The following SDK1 variants were observed in gnomAD, a reference collection of about 807,000 sequenced individuals.
The protein encoded by SDK1 is protein sidekick-1.
In SDK1, 157 loss-of-function variants were observed where a neutral mutation model predicts 245.5. The ratio of observed to expected loss-of-function variants is 0.64; its 90% CI spans 0.56 to 0.73. The LOEUF is 0.73. Among genes scored for constraint, SDK1 ranks in the 30% least tolerant of loss-of-function variants. The probability of loss-of-function intolerance (pLI) is 0.00; values close to 1 mark genes in which losing one functional copy is unlikely to be tolerated. For missense variants in SDK1, 3,583 were observed against 3,002.3 expected (o/e 1.19, Z -4.52); for synonymous variants, 1,647 against 1,278.5 (o/e 1.29, Z -6.15).
At chr7:3,943,278 G>C (rs973913094) in intron 5 of SDK1, among the ~76,000 whole-genome samples, 36 of 100,588 alleles carry the variant, frequency 3.6e-4, no homozygotes, top group African/African-American at 1.2e-3. Context: ...CCTGAGGGCA[G>C]GATGTTCCCT....
At chr7:4,025,699 T>C (rs970422472) in intron 17 of SDK1, among the ~76,000 whole-genome samples, 4 of 152,172 alleles carry the variant, frequency 2.6e-5, no homozygotes, top group Non-Finnish European at 5.9e-5. Context: ...AAGCATAAAA[T>C]AGATGTCTGA....
intron 1 of SDK1, among the ~76,000 whole-genome samples, chr7:3,361,005 G>A (rs570732047): frequency 2.0e-5 from 3 of 152,272 alleles, no homozygotes; most frequent in African/African-American, 7.2e-5. Flanking sequence ...AAAATGGTGT[G>A]TTGGGAGTTA....
rs143759138 is a variant in SDK1, at chr7:4,136,386, C to G, written c.4228+3963C>G. ...TCTGACTCACTTTACATCCAGAGACCTTGAATCAATGTTCCCACTCTGGCA... is the reference window on the plus strand; with the variant it reads ...TCTGACTCACTTTACATCCAGAGACGTTGAATCAATGTTCCCACTCTGGCA... On this transcript the variant is annotated intron_variant, in intron 28 of 44. Coordinates refer to ENST00000404826, the MANE Select transcript of SDK1 (RefSeq NM_152744.4). Among the ~76,000 whole-genome samples the G allele has an allele frequency of 6.6e-3, 1,005 of 152,304 alleles. 19 individuals are homozygous for G. The highest frequency in any genetic ancestry group is 0.023 in the African/African-American group (945 of 41,554).
In SDK1 at chr7:3,494,159, A is replaced by C. The variant is rs535856492; in HGVS notation, c.299-124921A>C. On this transcript the variant is annotated intron_variant, in intron 1 of 44. Transcript: ENST00000404826. ...CTCCTCCCCACTGCCCCAACATTCA[A>C]AATAGCTATTATAAAGCCATTTTTT... 2.4e-3 allele frequency among the ~76,000 whole-genome samples: 372 copies of C among 152,306 alleles called. 4 individuals are homozygous for C. The highest frequency in any genetic ancestry group is 0.018 in the South Asian group (87 of 4,824).
At chr7:4,087,062 G>C (rs1409044373) in intron 22 of SDK1, among the ~76,000 whole-genome samples, 1 of 149,468 alleles carries the variant, frequency 6.7e-6, no homozygotes, top group Non-Finnish European at 1.5e-5. Context: ...TCTAATTTAT[G>C]ACTCCTTTCT....
At chr7:3,530,431 T>C (rs149684557) in intron 1 of SDK1, among the ~76,000 whole-genome samples, 2 of 152,294 alleles carry the variant, frequency 1.3e-5, no homozygotes, top group East Asian at 3.9e-4. Context: ...TAAAGGAAAA[T>C]TTGTCTTTTG....
At chr7:3,311,515 C>T (rs962232499) in intron 1 of SDK1, among the ~76,000 whole-genome samples, 8 of 152,040 alleles carry the variant, frequency 5.3e-5, no homozygotes, top group African/African-American at 1.9e-4. Context: ...ATTTGAAATG[C>T]ATAGTGACAA....
intron 30 of SDK1, among the ~76,000 whole-genome samples, chr7:4,150,929 A>T (rs909909488): frequency 6.6e-6 from 1 of 152,254 alleles, no homozygotes; most frequent in African/African-American, 2.4e-5. Context: ...GGAACTGTGC[A>T]GGCTCAGCCT....
At chr7:3,578,569 C>T (rs1045987879) in intron 1 of SDK1, among the ~76,000 whole-genome samples, 5 of 151,880 alleles carry the variant, frequency 3.3e-5, no homozygotes, top group African/African-American at 1.2e-4. Flanking sequence ...TATTTCAGTC[C>T]TTATCTCAAC....
intron 1 of SDK1, among the ~76,000 whole-genome samples, chr7:3,403,849 A>ATATAT (rs1778967815): frequency 1.0e-5 from 1 of 97,868 alleles, no homozygotes; most frequent in South Asian, 3.1e-4. Context: ...ATATATATAT[A>ATATAT]TATATATATA....
intron 1 of SDK1, among the ~76,000 whole-genome samples, chr7:3,547,558 G>C (rs1436078256): frequency 6.6e-6 from 1 of 152,146 alleles, no homozygotes; most frequent in African/African-American, 2.4e-5. Context: ...TGCAGGTTCT[G>C]TTTAAACTCT....
At chr7:3,438,012 G>A (rs1487843932) in intron 1 of SDK1, among the ~76,000 whole-genome samples, 1 of 152,122 alleles carries the variant, frequency 6.6e-6, no homozygotes, top group Non-Finnish European at 1.5e-5. Flanking sequence ...CATTGTTGGG[G>A]CAAGTGGAAT....
rs145780510 is a variant in SDK1, at chr7:3,440,415, C to G, written c.298+138531C>G. 8.1e-4 allele frequency among the ~76,000 whole-genome samples: 124 copies of G among 152,262 alleles called. 2 individuals carry two copies. The East Asian group carries it at 0.023, about 28-fold the overall frequency. On this transcript the variant is annotated intron_variant, in intron 1 of 44. Transcript: ENST00000404826. ...TAAGCTGCGAAGGTTCGGAGTTAAA[C>G]AGATGTGTAGGTTTTCTGGAAACTT...
At chr7:3,823,349 A>T (rs1206319385) in intron 5 of SDK1, among the ~76,000 whole-genome samples, 1 of 152,186 alleles carries the variant, frequency 6.6e-6, no homozygotes, top group African/African-American at 2.4e-5. Context: ...GATAATAATG[A>T]GTCAAAGGGG....
chr7:3,515,427 A>T (rs1381761336), intron 1 of SDK1, among the ~76,000 whole-genome samples: 1 of 152,164 alleles, frequency 6.6e-6, no homozygotes, highest in Non-Finnish European at 1.5e-5. Context: ...TAATTACTTT[A>T]ATGACAGTGA....
At chr7:3,477,114 T>C (rs560545711) in intron 1 of SDK1, among the ~76,000 whole-genome samples, 235 of 152,270 alleles carry the variant, frequency 1.5e-3, no homozygotes, top group African/African-American at 5.5e-3. Context: ...AGTACTTCCT[T>C]GTTTAAGCTA....
chr7:4,267,811 G>C lies in SDK1; in HGVS notation c.*2427G>C, dbSNP rs760178732. The C allele has an allele frequency of 3.0e-6, 3 of 985,456 alleles. No homozygotes were observed. The highest frequency in any genetic ancestry group is 1.7e-5 in the African/African-American group (1 of 57,234). 61.0% of individuals were successfully genotyped at this position (985,456 alleles called of 1,614,324 possible). A position where few individuals can be genotyped will look rare whatever the true frequency, so the allele number is the denominator to read the frequency against. ...TTGATCTGTACGGAGCGGCCTGTCC[G>C]AGGCTACGCCGGCCTCCTGGCTGCT... On this transcript the variant is annotated 3_prime_UTR_variant, in exon 45 of 45. Transcript: ENST00000404826.
chr7:3,922,215 C>T (rs1164700939), intron 5 of SDK1, among the ~76,000 whole-genome samples: 1 of 150,964 alleles, frequency 6.6e-6, no homozygotes, highest in African/African-American at 2.5e-5. Flanking sequence ...AGATTCCCAC[C>T]AGTCCTGAGT....
At chr7:3,620,772 C>T (rs1008405993) in intron 2 of SDK1, among the ~76,000 whole-genome samples, 4 of 152,122 alleles carry the variant, frequency 2.6e-5, no homozygotes, top group African/African-American at 7.2e-5. Flanking sequence ...TGGTTCTCCT[C>T]GGTGCTCTCT....
Sources: allele counts gnomAD v4.1 joint callset (sites outside exome capture counted in the v4.1 genomes callset), GRCh38; gene constraint gnomAD v4.1.1; transcripts MANE v1.5; gene names NCBI Gene and HGNC (gene_info 2026-07-23, HGNC 2026-07-21).